Variants in LRRTM3 observed in about 807,000 individuals in gnomAD.
LRRTM3 encodes the protein leucine rich repeat transmembrane neuronal 3.
LRRTM3 carries 24 observed loss-of-function variants against 44.7 expected under a neutral mutation model. The observed-to-expected ratio is 0.54, with a 90% CI of 0.39 to 0.76. The LOEUF (loss-of-function observed/expected upper bound fraction) is 0.76. Among genes scored for constraint, LRRTM3 ranks in the 30% least tolerant of loss-of-function variants. The pLI, the probability that LRRTM3 is intolerant of heterozygous loss-of-function variation, is 0.00. For synonymous variants in LRRTM3, 277 were observed against 278.7 expected, an observed-to-expected ratio of 0.99 and a Z score of 0.06; for missense variants, 587 against 702.2, an observed-to-expected ratio of 0.84 and a Z score of 1.85.
chr10:66,969,077 A>G (rs1020769847), intron 2 of LRRTM3, among the ~76,000 whole-genome samples: 2 of 151,956 alleles, frequency 1.3e-5, no homozygotes, highest in African/African-American at 2.4e-5. Flanking sequence ...TTTATGAGCT[A>G]TTTCTTTTAA....
At chr10:66,978,069 C>T (rs74141746) in intron 2 of LRRTM3, among the ~76,000 whole-genome samples, 358 of 6,210 alleles carry the variant, frequency 0.058, 2 homozygotes, top group Middle Eastern at 0.25. Context: ...TATATATATA[C>T]ACACACACAC....
chr10:66,952,724 T>C (rs563709362), intron 2 of LRRTM3, among the ~76,000 whole-genome samples: 3 of 152,196 alleles, frequency 2.0e-5, no homozygotes, highest in Admixed American at 1.3e-4. Context: ...TTATTATCAA[T>C]GTACCCATTA....
chr10:66,955,601 A>G (rs1848745579), intron 2 of LRRTM3, among the ~76,000 whole-genome samples: 1 of 152,084 alleles, frequency 6.6e-6, no homozygotes, highest in Non-Finnish European at 1.5e-5. Flanking sequence ...ACACTCAATA[A>G]ATGTTGGATG....
At chr10:66,958,832 T>C (rs1409208140) in intron 2 of LRRTM3, among the ~76,000 whole-genome samples, 1 of 152,120 alleles carries the variant, frequency 6.6e-6, no homozygotes, top group African/African-American at 2.4e-5. Context: ...GGAATTAAAA[T>C]GGGGAGAGCT....
intron 2 of LRRTM3, among the ~76,000 whole-genome samples, chr10:67,031,738 T>C (rs1488216940): frequency 3.3e-5 from 5 of 152,176 alleles, no homozygotes. Context: ...GATAATGTAA[T>C]TCTTGTGTTA....
chr10:66,969,392 A>G (rs1430513679), intron 2 of LRRTM3, among the ~76,000 whole-genome samples: 1 of 152,208 alleles, frequency 6.6e-6, no homozygotes, highest in Non-Finnish European at 1.5e-5. Flanking sequence ...TGAATGTGCA[A>G]TAATTGAATT....
At chr10:66,931,147 C>T (rs912579477) in intron 2 of LRRTM3, among the ~76,000 whole-genome samples, 5 of 135,038 alleles carry the variant, frequency 3.7e-5, no homozygotes, top group East Asian at 2.2e-4. Flanking sequence ...TTTTCTAGTA[C>T]GTATTTACAT....
intron 2 of LRRTM3, among the ~76,000 whole-genome samples, chr10:67,044,562 T>C (rs1335958067): frequency 2.0e-5 from 3 of 152,180 alleles, no homozygotes; most frequent in Non-Finnish European, 4.4e-5. Context: ...GTGCTCATTA[T>C]AAGAAGTGAT....
chr10:67,013,973 A>G (rs1852495905), intron 2 of LRRTM3, among the ~76,000 whole-genome samples: 1 of 152,138 alleles, frequency 6.6e-6, no homozygotes, highest in Non-Finnish European at 1.5e-5. Flanking sequence ...GTTTCCCAGG[A>G]CTGCTGTTTT....
chr10:67,080,231 G>C (rs1176931902), intron 2 of LRRTM3, among the ~76,000 whole-genome samples: 2 of 152,146 alleles, frequency 1.3e-5, no homozygotes, highest in Non-Finnish European at 2.9e-5. Flanking sequence ...TTTTCTGCTG[G>C]ATTGGGTTTT....
At chr10:66,998,652 CA>C (rs1448568557) in intron 2 of LRRTM3, among the ~76,000 whole-genome samples, 6 of 151,948 alleles carry the variant, frequency 3.9e-5, no homozygotes, top group Non-Finnish European at 7.4e-5. Context: ...AAGGAATCAG[CA>C]AAAAATATAG....
Position 66,928,219 on chromosome 10 carries a change from C to A in LRRTM3, c.1303C>A (p.Leu435Met), listed in dbSNP as rs1205919592. The change falls in exon 2 of 3, where the codon CTG (leucine) becomes ATG (methionine). Residue 435 changes from leucine to methionine, a missense_variant. Transcript: ENST00000361320. ...GCTTTTCCTGTCCGTGCTCGTCATC[C>A]TGCTGGTTATCTACGTGTCATGGAA... ...VALFLSVLVI[L>M]LVIYVSWKRY... 8.1e-6 allele frequency: 13 copies of A among 1,614,032 alleles called. No homozygotes were observed. Among genetic ancestry groups the A allele is most frequent in the Non-Finnish European group, 1.0e-5 (12 of 1,180,046 alleles).
In LRRTM3 at chr10:66,927,699, A is replaced by G; in HGVS notation, c.783A>G (p.Ser261=). The change falls in exon 2 of 3, where the codon TCA becomes TCG. Residue 261 remains serine (S), a synonymous_variant. Coordinates refer to ENST00000361320, the MANE Select transcript of LRRTM3 (RefSeq NM_178011.5). This position sits in a 1 kb window ranked among gnomAD's most constrained non-coding sequence, Gnocchi z 4.7. The stretch of plus-strand genomic sequence containing the variant: ...GCTCCTTACAAAGGCTTGATTTATC[A>G]GGCAATGAGATCGAAGCTTTCAGTG... The part of the protein sequence containing the change: ...TWSSLQRLDL[S]GNEIEAFSGP... 6.2e-7 allele frequency: 1 copy of G among 1,614,190 alleles called. No individual in the cohort carries two copies. Among genetic ancestry groups the G allele is most frequent in the Admixed American group, 1.7e-5 (1 of 60,026 alleles).
chr10:66,926,209 T>C lies in LRRTM3; in HGVS notation c.-375T>C, dbSNP rs1215820659. ...ATGTGGCAGCTCAGGTAGCCCCAAA[T>C]TGCCTGGAAGAATACATCATGTTTT... On this transcript the variant is annotated 5_prime_UTR_variant, in exon 1 of 3. Coordinates refer to ENST00000361320, the MANE Select transcript of LRRTM3 (RefSeq NM_178011.5). The C allele has an allele frequency of 4.4e-6, 2 of 453,740 alleles. No homozygotes were observed. Among genetic ancestry groups the C allele is most frequent in the South Asian group, 3.3e-5 (2 of 60,408 alleles). 28.1% of individuals were successfully genotyped at this position (453,740 alleles called of 1,614,324 possible).
chr10:66,994,878 A>G (rs1851243477), intron 2 of LRRTM3, among the ~76,000 whole-genome samples: 1 of 152,152 alleles, frequency 6.6e-6, no homozygotes, highest in African/African-American at 2.4e-5. Flanking sequence ...TACAATATGA[A>G]ATGTAAAACT....
rs188072971 is a variant in LRRTM3 at position 66,980,438 on chromosome 10, T to C, written c.1536+51986T>C. Among the ~76,000 whole-genome samples the C allele has an allele frequency of 1.7e-3, 263 of 152,156 alleles. 2 individuals carry two copies. Among genetic ancestry groups the C allele is most frequent in the African/African-American group, 6.0e-3 (248 of 41,492 alleles). On this transcript the variant is annotated intron_variant, in intron 2 of 2. Coordinates refer to ENST00000361320, the MANE Select transcript of LRRTM3 (RefSeq NM_178011.5). ...GAGAACCCTGGCACTGCCACAGCTG[T>C]CACTGGCCTTTTCTGTTTCCCAAGC...
chr10:67,078,246 C>G (rs1372686729), intron 2 of LRRTM3, among the ~76,000 whole-genome samples: 1 of 152,220 alleles, frequency 6.6e-6, no homozygotes, highest in Admixed American at 6.5e-5. Context: ...TCCCCCAATT[C>G]AAGTTCTGGA....
intron 2 of LRRTM3, among the ~76,000 whole-genome samples, chr10:67,049,443 C>T (rs1854951267): frequency 1.3e-5 from 2 of 152,040 alleles, no homozygotes; most frequent in Admixed American, 1.3e-4. Flanking sequence ...TATAATTATT[C>T]TATAATCTAA....
intron 2 of LRRTM3, among the ~76,000 whole-genome samples, chr10:67,031,145 T>C (rs571823237): frequency 6.6e-6 from 1 of 152,374 alleles, no homozygotes; most frequent in African/African-American, 2.4e-5. Context: ...TAACCTTTAC[T>C]TAATAAAGTT....
Sources: gnomAD v4.1 joint callset for allele counts (sites outside exome capture counted in the v4.1 genomes callset) on GRCh38, gnomAD v4.1.1 for gene constraint, Gnocchi (gnomAD v3.1) non-coding constraint, MANE v1.5 for transcripts, NCBI Gene and HGNC (gene_info 2026-07-23, HGNC 2026-07-21) for gene names.